The following ZNF674 variants were observed in gnomAD, a reference collection of about 807,000 sequenced individuals.
The protein encoded by ZNF674 is zinc finger protein 674.
A neutral mutation model predicts 7.0 loss-of-function variants in ZNF674; 2 were observed. The observed-to-expected ratio is 0.29, with a 90% CI of 0.12 to 0.90. The LOEUF (loss-of-function observed/expected upper bound fraction) is 0.90. Ranked by LOEUF, ZNF674 falls within the 40% of genes least tolerant of loss-of-function variation. The pLI is 0.57. For missense variants in ZNF674, 297 were observed against 415.5 expected (o/e 0.71, Z 2.48); for synonymous variants, 103 against 145.2 (o/e 0.71, Z 2.09).
intron 5 of ZNF674, chrX:46,523,227 A>G (rs1199254625): frequency 3.8e-5 from 5 of 132,329 alleles, no homozygotes; most frequent in Non-Finnish European, 7.6e-5. Flanking sequence ...AGTCAGACTG[A>G]TCAAGAAAAA....
rs139825644 is a variant in ZNF674 at position 46,535,539 on chromosome X, A to T, written c.15+6534T>A. ...AATTTCCTTTATACACTAAAATTCT[A>T]ACAAATCATTATGAAAAAGACCACA... On this transcript the variant is annotated intron_variant, in intron 3 of 5. Transcript: ENST00000683375. 1.8e-3 allele frequency among the ~76,000 whole-genome samples: 202 copies of T among 112,099 alleles called. 4 individuals carry two copies. In the South Asian group the frequency reaches 0.032, roughly 18 times the overall value.
At chrX:46,523,817 T>C (rs1017885702) in intron 5 of ZNF674, among the ~76,000 whole-genome samples, 1 of 111,113 alleles carries the variant, frequency 9.0e-6, no homozygotes, top group Non-Finnish European at 1.9e-5. Flanking sequence ...CCGAGGCTGG[T>C]AGATCACCTG....
At position 46,542,109 on chromosome X, in the gene ZNF674, A is replaced by T. The variant is rs1410149306; in HGVS notation, c.-22T>A. On this transcript the variant is annotated 5_prime_UTR_variant, in exon 3 of 6. Transcript: ENST00000683375. ...CCATCTTGTTGTGCTCCTGCAAAGG[A>T]TGGAGATCTACAAATACAGAATTAG... 7 of 1,182,528 alleles carry T rather than the reference A, an allele frequency of 5.9e-6. No individual in the cohort carries two copies. The South Asian group carries it at 1.3e-4, about 22-fold the overall frequency.
chrX:46,508,408 T>G (rs975700004), intron 5 of ZNF674, among the ~76,000 whole-genome samples: 34 of 112,339 alleles, frequency 3.0e-4, no homozygotes, highest in African/African-American at 1.1e-3. Context: ...TCTATTTTAC[T>G]TCTAAACATT....
At chrX:46,534,252 G>A (rs1207891248) in intron 3 of ZNF674, among the ~76,000 whole-genome samples, 1 of 110,543 alleles carries the variant, frequency 9.0e-6, no homozygotes, top group African/African-American at 3.3e-5. Flanking sequence ...ATTTTGGGTG[G>A]GGACACAGCC....
intron 2 of ZNF674, 79 bp from the exon 3 acceptor site, chrX:46,542,195 C>A: frequency 1.9e-6 from 1 of 522,927 alleles, no homozygotes; most frequent in Admixed American, 4.1e-5. Context: ...TAATAATTAC[C>A]TTTGCACCCT....
At chrX:46,541,361 CAAA>C (rs34440167) in intron 3 of ZNF674, among the ~76,000 whole-genome samples, 4 of 54,686 alleles carry the variant, frequency 7.3e-5, no homozygotes, top group African/African-American at 1.4e-4. Flanking sequence ...AACTCCGTCA[CAAA>C]AAAAAAAAAA....
chrX:46,524,013 G>A (rs779967803), intron 5 of ZNF674, among the ~76,000 whole-genome samples: 28 of 108,026 alleles, frequency 2.6e-4, no homozygotes, highest in African/African-American at 9.1e-4. Context: ...TTGCACTCCA[G>A]CCTGGGCGAC....
At chrX:46,529,557 T>G (rs1942071658) in intron 3 of ZNF674, 1 of 110,163 alleles carries the variant, frequency 9.1e-6, no homozygotes, top group Non-Finnish European at 1.9e-5. Flanking sequence ...TAATCCCAGC[T>G]ACTCGGGAGG....
At chrX:46,523,156 C>T (rs763211842) in intron 5 of ZNF674, 1 of 242,756 alleles carries the variant, frequency 4.1e-6, no homozygotes, top group South Asian at 4.7e-5. Context: ...ATGAAAAACA[C>T]AAAAATAAAC....
chrX:46,528,320 C>G (rs1465848324), intron 5 of ZNF674, 30 bp downstream of exon 5: 15 of 1,206,759 alleles, frequency 1.2e-5, no homozygotes, highest in Non-Finnish European at 1.5e-5. Flanking sequence ...GTCCCTTTTC[C>G]CTGGCCTGAC....
chrX:46,519,439 C>T (rs975306166), intron 5 of ZNF674, among the ~76,000 whole-genome samples: 1 of 107,379 alleles, frequency 9.3e-6, no homozygotes, highest in Non-Finnish European at 1.9e-5. Context: ...GAAACCCCGT[C>T]TCTACTAAAA....
chrX:46,506,744 C>G (rs1417682083), intron 5 of ZNF674, among the ~76,000 whole-genome samples: 1 of 111,668 alleles, frequency 9.0e-6, no homozygotes, highest in Non-Finnish European at 1.9e-5. Flanking sequence ...TCCCATGGAC[C>G]TACATCCTTT....
chrX:46,543,785 G>A (rs948287977), intron 2 of ZNF674, among the ~76,000 whole-genome samples: 4 of 112,676 alleles, frequency 3.6e-5, no homozygotes, highest in African/African-American at 1.3e-4. Context: ...GTTCAGCTCC[G>A]TGTAGCTTAG....
intron 3 of ZNF674, among the ~76,000 whole-genome samples, chrX:46,533,753 G>A (rs1464711247): frequency 4.3e-5 from 4 of 94,060 alleles, no homozygotes; most frequent in Admixed American, 1.3e-4. Context: ...GCAGTGAGCC[G>A]AGATCATGCC....
chrX:46,507,592 C>A (rs187774825), intron 5 of ZNF674, among the ~76,000 whole-genome samples: 14 of 111,406 alleles, frequency 1.3e-4, no homozygotes, highest in Non-Finnish European at 2.4e-4. Flanking sequence ...ATTCTGGTAT[C>A]CATGGAGGTT....
chrX:46,524,523 C>A (rs1202710412), intron 5 of ZNF674, among the ~76,000 whole-genome samples: 3 of 107,024 alleles, frequency 2.8e-5, no homozygotes, highest in Non-Finnish European at 5.8e-5. Flanking sequence ...AACCCCGTCT[C>A]TATATATATA....
At chrX:46,521,888 C>CA (rs776266464) in intron 5 of ZNF674, among the ~76,000 whole-genome samples, 81 of 97,272 alleles carry the variant, frequency 8.3e-4, no homozygotes, top group African/African-American at 1.2e-3. Context: ...GACTCTGTCT[C>CA]AAAAAAAAAG....
chrX:46,536,444 G>T (rs946764790), intron 3 of ZNF674, among the ~76,000 whole-genome samples: 2 of 110,960 alleles, frequency 1.8e-5, no homozygotes, highest in Admixed American at 9.7e-5. Flanking sequence ...ACAAAAATTA[G>T]CTGGGCATGG....
Sources: gnomAD v4.1 joint callset for allele counts (sites outside exome capture counted in the v4.1 genomes callset) on GRCh38, gnomAD v4.1.1 for gene constraint, MANE v1.5 for transcripts, NCBI Gene and HGNC (gene_info 2026-07-23, HGNC 2026-07-21) for gene names.